Variants in ZPBP observed in about 807,000 individuals in gnomAD.
ZPBP encodes the protein zona pellucida binding protein.
In ZPBP, 26 loss-of-function variants were observed where a neutral mutation model predicts 44.8. The ratio of observed to expected loss-of-function variants is 0.58; its 90% CI spans 0.43 to 0.81. The LOEUF is 0.81. Among genes scored for constraint, ZPBP ranks in the 30% least tolerant of loss-of-function variants. ZPBP has a pLI of 0.00. For missense variants in ZPBP, 409 were observed against 434.0 expected, an observed-to-expected ratio of 0.94 and a Z score of 0.51; for synonymous variants, 174 against 153.2, an observed-to-expected ratio of 1.14 and a Z score of -1.00.
chr7:49,917,468 C>G (rs985537451), intron 1 of ZPBP: 2 of 152,136 alleles, frequency 1.3e-5, no homozygotes, highest in Non-Finnish European at 2.9e-5. Context: ...TTAAGACGTG[C>G]ATACTGTTTA....
chr7:49,932,134 C>T (rs1172216470), intron 1 of ZPBP, among the ~76,000 whole-genome samples: 1 of 152,218 alleles, frequency 6.6e-6, no homozygotes, highest in African/African-American at 2.4e-5. Context: ...TCTGCTAAGG[C>T]AGTGTGGAAG....
chr7:49,883,837 T>A (rs1791783017), intron 2 of ZPBP, among the ~76,000 whole-genome samples: 2 of 152,190 alleles, frequency 1.3e-5, no homozygotes, highest in Non-Finnish European at 2.9e-5. Context: ...AGACATACCC[T>A]AGTGAATGTT....
At chr7:49,981,570 ATTATATAAAT>A (rs1465068814) in intron 7 of ZPBP, among the ~76,000 whole-genome samples, 1 of 38,412 alleles carries the variant, frequency 2.6e-5, no homozygotes. Context: ...ATATTATATA[ATTATATAAAT>A]TATATATTAT....
chr7:49,878,156 G>T (rs1044819324), intron 2 of ZPBP, among the ~76,000 whole-genome samples: 2 of 151,908 alleles, frequency 1.3e-5, no homozygotes, highest in African/African-American at 2.4e-5. Flanking sequence ...CCACACTCAG[G>T]CTTCAGATCA....
At chr7:50,012,758 T>C (rs577252503) in intron 6 of ZPBP, among the ~76,000 whole-genome samples, 32 of 149,960 alleles carry the variant, frequency 2.1e-4, no homozygotes, top group South Asian at 8.5e-4. Flanking sequence ...TCTTGCCACA[T>C]CTATTCAATG....
At chr7:50,005,572 C>T (rs1204432433) in intron 6 of ZPBP, among the ~76,000 whole-genome samples, 2 of 151,838 alleles carry the variant, frequency 1.3e-5, no homozygotes, top group East Asian at 3.8e-4. Flanking sequence ...ATTGTTATAA[C>T]TTTAAGATGT....
chr7:49,896,857 A>G (rs1416205211), intron 2 of ZPBP, among the ~76,000 whole-genome samples: 2 of 151,824 alleles, frequency 1.3e-5, no homozygotes, highest in East Asian at 3.9e-4. Flanking sequence ...TCGCTTGAGA[A>G]CTATTAAGAA....
At chr7:50,071,500 G>A (rs1440748458) in intron 3 of ZPBP, among the ~76,000 whole-genome samples, 2 of 152,158 alleles carry the variant, frequency 1.3e-5, no homozygotes, top group Non-Finnish European at 2.9e-5. Flanking sequence ...AGTGAACTGA[G>A]GGGGCACACA....
chr7:50,058,596 C>A (rs183694272), intron 3 of ZPBP, among the ~76,000 whole-genome samples: 139 of 152,062 alleles, frequency 9.1e-4, no homozygotes, highest in Non-Finnish European at 1.4e-3. Flanking sequence ...TAAAGGCTAT[C>A]AGAATATAAT....
chr7:49,909,500 G>A (rs1793289681), intron 1 of ZPBP, among the ~76,000 whole-genome samples: 1 of 152,162 alleles, frequency 6.6e-6, no homozygotes, highest in Admixed American at 6.5e-5. Flanking sequence ...TGTGGGGTGT[G>A]GTGGAGTGCA....
intron 6 of ZPBP, among the ~76,000 whole-genome samples, chr7:50,008,318 C>A (rs1798407941): frequency 6.6e-6 from 1 of 151,812 alleles, no homozygotes; most frequent in African/African-American, 2.4e-5. Flanking sequence ...AAAATTTAAC[C>A]AAGGATATGA....
intron 3 of ZPBP, among the ~76,000 whole-genome samples, chr7:50,071,748 C>T (rs1167262860): frequency 1.3e-5 from 2 of 152,076 alleles, no homozygotes; most frequent in Non-Finnish European, 2.9e-5. Flanking sequence ...TCCAAGAGGG[C>T]ATTTCTAGAC....
chr7:50,033,741 G>A (rs1193690427), intron 4 of ZPBP, among the ~76,000 whole-genome samples: 1 of 151,562 alleles, frequency 6.6e-6, no homozygotes, highest in Non-Finnish European at 1.5e-5. Context: ...TGCCCAGGCT[G>A]GAGTGCAGCA....
chr7:50,091,280 T>C (rs572704878), intron 1 of ZPBP, among the ~76,000 whole-genome samples: 1 of 152,336 alleles, frequency 6.6e-6, no homozygotes, highest in South Asian at 2.1e-4. Context: ...TTCTGTGGGT[T>C]GTCTGTTTAC....
chr7:50,081,590 T>C (rs1044246953), intron 3 of ZPBP, among the ~76,000 whole-genome samples, 184 bp downstream of exon 3: 2 of 151,862 alleles, frequency 1.3e-5, no homozygotes, highest in Non-Finnish European at 1.5e-5. Context: ...TATGTCCCTG[T>C]ATCAAAATAA....
chr7:49,946,139 T>G (rs1052059063), intron 7 of ZPBP, among the ~76,000 whole-genome samples: 2 of 152,146 alleles, frequency 1.3e-5, no homozygotes, highest in African/African-American at 4.8e-5. Flanking sequence ...TTTAGCTTTT[T>G]GTTGTTTCTA....
At chr7:50,087,394 A>T (rs1189382898) in intron 2 of ZPBP, among the ~76,000 whole-genome samples, 3 of 152,074 alleles carry the variant, frequency 2.0e-5, no homozygotes, top group Admixed American at 2.0e-4. Flanking sequence ...TCATATTAAC[A>T]AGATAAAGAA....
chr7:49,917,641 T>A (rs1013797445), intron 1 of ZPBP: 1 of 152,170 alleles, frequency 6.6e-6, no homozygotes, highest in African/African-American at 2.4e-5. Flanking sequence ...GCGACTTTAG[T>A]TTTTAATTCA....
chr7:49,899,691 G>T (rs1030438759), intron 2 of ZPBP, among the ~76,000 whole-genome samples: 4 of 152,020 alleles, frequency 2.6e-5, no homozygotes, highest in Non-Finnish European at 2.9e-5. Flanking sequence ...TGATAGAACT[G>T]CAAGAAGAAA....
Sources: allele counts gnomAD v4.1 joint callset (sites outside exome capture counted in the v4.1 genomes callset), GRCh38; gene constraint gnomAD v4.1.1; transcripts MANE v1.5; gene names NCBI Gene and HGNC (gene_info 2026-07-23, HGNC 2026-07-21).